TSHR: variants seen among roughly 807,000 people sequenced by gnomAD.
TSHR encodes the protein thyrotropin receptor.
Under a neutral mutation model 64.1 loss-of-function variants are expected in TSHR, and 51 were observed. The observed-to-expected ratio is 0.80, with a 90% CI of 0.64 to 1.01. The LOEUF (loss-of-function observed/expected upper bound fraction) is 1.01. Ranked by LOEUF, TSHR falls within the 50% of genes least tolerant of loss-of-function variation. TSHR has a pLI of 0.00. For missense variants in TSHR, 877 were observed against 942.8 expected (o/e 0.93, Z 0.91); for synonymous variants, 361 against 361.9 (o/e 1.00, Z 0.03).
At chr14:81,127,294 G>A (rs1891056038) in intron 8 of TSHR, among the ~76,000 whole-genome samples, 1 of 152,112 alleles carries the variant, frequency 6.6e-6, no homozygotes, top group Non-Finnish European at 1.5e-5. Context: ...TCTCTGCCAG[G>A]ACATGGAAAT....
chr14:81,135,261 C>T (rs1281678578), intron 8 of TSHR, among the ~76,000 whole-genome samples: 1 of 152,184 alleles, frequency 6.6e-6, no homozygotes, highest in Non-Finnish European at 1.5e-5. Context: ...GAGACTCCCA[C>T]TGGGGAGAGG....
chr14:80,986,274 A>C (rs1888440375), intron 1 of TSHR, among the ~76,000 whole-genome samples: 1 of 152,146 alleles, frequency 6.6e-6, no homozygotes, highest in Admixed American at 6.5e-5. Flanking sequence ...TGGGGACTAT[A>C]TTGGGTATTG....
At chr14:80,982,089 A>T (rs951198911) in intron 1 of TSHR, 2 of 534,306 alleles carry the variant, frequency 3.7e-6, no homozygotes, top group Non-Finnish European at 7.0e-6. Context: ...GGGTGTGGTT[A>T]GGCCTGTAGC....
chr14:81,040,521 G>A (rs1055727859), intron 1 of TSHR, among the ~76,000 whole-genome samples: 1 of 151,988 alleles, frequency 6.6e-6, no homozygotes, highest in Non-Finnish European at 1.5e-5. Flanking sequence ...AAAGTGGAGA[G>A]ACGACATACA....
intron 1 of TSHR, among the ~76,000 whole-genome samples, chr14:81,058,829 T>C (rs1027618392): frequency 6.6e-6 from 1 of 152,184 alleles, no homozygotes; most frequent in Admixed American, 6.5e-5. Context: ...CACTTGGTGT[T>C]TTTTCTTTCA....
At chr14:81,068,089 A>C (rs1172791431) in intron 2 of TSHR, among the ~76,000 whole-genome samples, 165 bp from the exon 3 acceptor site, 1 of 151,554 alleles carries the variant, frequency 6.6e-6, no homozygotes, top group East Asian at 1.9e-4. Context: ...AGATCTGAAA[A>C]AAAAAGTAGT....
At position 81,037,076 on chromosome 14, in the gene TSHR, A is replaced by G. The variant is rs908770039; in HGVS notation, c.171-25072A>G. Among the ~76,000 whole-genome samples, 3 of 152,110 alleles carry G rather than the reference A, an allele frequency of 2.0e-5. No individual in the cohort carries two copies. In the South Asian group the frequency reaches 6.2e-4, roughly 32 times the overall value. On this transcript the variant is annotated intron_variant, in intron 1 of 9. Transcript: ENST00000298171. ...GAGAATTGCTTGAACCCGGGAGACG[A>G]GGTTGCAGTGAGCCAAGATTGCACC...
At chr14:81,122,413 C>A (rs1247067992) in intron 8 of TSHR, among the ~76,000 whole-genome samples, 1 of 150,640 alleles carries the variant, frequency 6.6e-6, no homozygotes, top group East Asian at 2.0e-4. Context: ...ACAAAGACAC[C>A]CAAATAAAAA....
chr14:81,061,061 TA>T (rs1439919216), intron 1 of TSHR, among the ~76,000 whole-genome samples: 1 of 152,132 alleles, frequency 6.6e-6, no homozygotes, highest in Non-Finnish European at 1.5e-5. Flanking sequence ...AAAGATGTCT[TA>T]AGATTCTGAG....
At chr14:81,107,193 TC>T (rs1889949818) in intron 7 of TSHR, 2 of 152,018 alleles carry the variant, frequency 1.3e-5, no homozygotes, top group African/African-American at 4.8e-5. Flanking sequence ...GGAGAAGAAA[TC>T]CTTCCGACTG....
At chr14:81,106,627 T>C (rs1213549502) in intron 7 of TSHR, among the ~76,000 whole-genome samples, 2 of 152,080 alleles carry the variant, frequency 1.3e-5, no homozygotes, top group Non-Finnish European at 2.9e-5. Flanking sequence ...CTACTTTAGA[T>C]TAGCTAGTTC....
At chr14:81,138,187 ATTTTT>A (rs368195048) in intron 8 of TSHR, among the ~76,000 whole-genome samples, 1 of 130,378 alleles carries the variant, frequency 7.7e-6, no homozygotes, top group East Asian at 2.1e-4. Flanking sequence ...GCCAAGGGTA[ATTTTT>A]TTTTTTTTTT....
rs1410093789 is a variant in TSHR at position 81,054,852 on chromosome 14, AT to A, written c.171-7294del. ...GAAACCAAGCATAAAAGTTCAAAAA[AT>A]TCACAGCCTGACAATGCAACAGAAA... On this transcript the variant is annotated intron_variant, in intron 1 of 9. Transcript: ENST00000298171. Among the ~76,000 whole-genome samples the A allele has an allele frequency of 3.3e-5, 5 of 152,336 alleles. No individual in the cohort carries two copies. The East Asian group carries it at 7.7e-4, about 23-fold the overall frequency.
chr14:81,083,425 A>C (rs1197607019), intron 3 of TSHR, among the ~76,000 whole-genome samples: 4 of 151,960 alleles, frequency 2.6e-5, no homozygotes, highest in Non-Finnish European at 5.9e-5. Context: ...GAATATTTAC[A>C]TATATTTTTA....
chr14:80,957,105 A>C (rs1416783835), intron 1 of TSHR, among the ~76,000 whole-genome samples: 4 of 152,046 alleles, frequency 2.6e-5, no homozygotes, highest in Non-Finnish European at 5.9e-5. Context: ...GCACTTCCCC[A>C]AAGGTCCCTG....
chr14:81,083,027 T>TA (rs2139951996), intron 3 of TSHR, among the ~76,000 whole-genome samples: 1 of 568 alleles, frequency 1.8e-3, no homozygotes, highest in East Asian at 0.042. Context: ...AATTAGTGGT[T>TA]GGAAAAAAAA....
At chr14:81,133,720 C>A (rs1049344519) in intron 8 of TSHR, among the ~76,000 whole-genome samples, 2 of 152,212 alleles carry the variant, frequency 1.3e-5, no homozygotes, top group Admixed American at 6.5e-5. Flanking sequence ...TGTGTGCAAC[C>A]AGAGATCTCC....
chr14:81,131,496 A>G (rs1891246447), intron 8 of TSHR, among the ~76,000 whole-genome samples: 1 of 152,156 alleles, frequency 6.6e-6, no homozygotes, highest in African/African-American at 2.4e-5. Context: ...AAGGCCACAC[A>G]TGATCTGGCT....
chr14:81,090,506 G>A (rs1203853285), intron 4 of TSHR, among the ~76,000 whole-genome samples: 1 of 152,218 alleles, frequency 6.6e-6, no homozygotes, highest in Non-Finnish European at 1.5e-5. Flanking sequence ...CTCCCAAAGT[G>A]TTAGGATTAT....
Sources: allele counts gnomAD v4.1 joint callset (sites outside exome capture counted in the v4.1 genomes callset), GRCh38; gene constraint gnomAD v4.1.1; transcripts MANE v1.5; gene names NCBI Gene and HGNC (gene_info 2026-07-23, HGNC 2026-07-21).